Variants in RFX4 observed in about 807,000 individuals in gnomAD.
The protein encoded by RFX4 is regulatory factor X4.
RFX4 carries 10 observed loss-of-function variants against 95.0 expected under a neutral mutation model. That is an observed-to-expected ratio of 0.11 (90% confidence interval 0.06 to 0.18). The LOEUF (loss-of-function observed/expected upper bound fraction) is 0.18. Among genes scored for constraint, RFX4 ranks in the 10% least tolerant of loss-of-function variants. RFX4 has a pLI of 1.00. For synonymous variants in RFX4, 321 were observed against 340.7 expected (o/e 0.94, Z 0.64); for missense variants, 640 against 922.0 (o/e 0.69, Z 3.96).
At chr12:106,583,653 G>T (rs2039408801) in intron 1 of RFX4, 3 of 299,758 alleles carry the variant, frequency 1.0e-5, no homozygotes, top group Admixed American at 5.2e-5. Context: ...GTAAAGATGC[G>T]CTGGCTCGCG....
chr12:106,647,369 A>G (rs1430212533), intron 3 of RFX4, among the ~76,000 whole-genome samples: 2 of 152,130 alleles, frequency 1.3e-5, no homozygotes, highest in Non-Finnish European at 2.9e-5. Flanking sequence ...TTCTTCCTCT[A>G]TGTCCTAGGG....
chr12:106,759,114 C>T (rs549767990), intron 17 of RFX4, among the ~76,000 whole-genome samples: 2 of 152,186 alleles, frequency 1.3e-5, no homozygotes, highest in African/African-American at 2.4e-5. Flanking sequence ...GGTAAGGCCC[C>T]GGCCCGAGAG....
intron 4 of RFX4, among the ~76,000 whole-genome samples, chr12:106,669,367 C>G (rs539924699): frequency 6.6e-6 from 1 of 152,120 alleles, no homozygotes; most frequent in Admixed American, 6.5e-5. Context: ...TGCATTTTTT[C>G]AGTGAGGACA....
Position 106,689,187 on chromosome 12 carries a change from C to A in RFX4, c.592-100C>A, listed in dbSNP as rs953002283. Reference sequence around the variant, plus strand: ...GCCGGTGTTAGGTGAATTGCATCCCCCCCACAGGGAAGAAATGACTTAAAA... The same window carrying A: ...GCCGGTGTTAGGTGAATTGCATCCCACCCACAGGGAAGAAATGACTTAAAA... On this transcript the variant is annotated intron_variant, in intron 6 of 17. Coordinates refer to ENST00000392842, the MANE Select transcript of RFX4 (RefSeq NM_213594.3). The A allele has an allele frequency of 2.6e-5, 26 of 982,362 alleles. No homozygotes were observed. The African/African-American group carries it at 4.2e-4, about 16-fold the overall frequency. The allele number at this position is 982,362 out of a possible 1,614,324, so 60.9% of individuals were successfully genotyped here. A position where few individuals can be genotyped will look rare whatever the true frequency, so the allele number is the denominator to read the frequency against.
intron 3 of RFX4, among the ~76,000 whole-genome samples, chr12:106,640,019 G>A (rs953630489): frequency 2.0e-5 from 3 of 152,188 alleles, no homozygotes; most frequent in African/African-American, 4.8e-5. Flanking sequence ...TCCCCTAGCA[G>A]TGCAGCCGAG....
At chr12:106,739,713 A>G (rs963625029) in intron 15 of RFX4, among the ~76,000 whole-genome samples, 5 of 152,232 alleles carry the variant, frequency 3.3e-5, no homozygotes, top group Admixed American at 2.0e-4. Flanking sequence ...CAATGTCATG[A>G]TAAGAGGCTG....
intron 1 of RFX4, among the ~76,000 whole-genome samples, chr12:106,590,876 G>C (rs1387278911): frequency 6.6e-6 from 1 of 152,090 alleles, no homozygotes; most frequent in Non-Finnish European, 1.5e-5. Context: ...GAGCCCAGGT[G>C]TTCAAGGCTG....
rs371724142 is a variant in RFX4, at chr12:106,655,693, C to T, written c.315+1342C>T. 2.4e-4 allele frequency among the ~76,000 whole-genome samples: 37 copies of T among 152,268 alleles called. No individual in the cohort carries two copies. In the East Asian group the frequency reaches 6.8e-3, roughly 28 times the overall value. ...GGGACAGGTTGGGTGAACCAAAAGA[C>T]CAAGAATCCTGACTTTCCTGGACTT... On this transcript the variant is annotated intron_variant, in intron 4 of 17. Coordinates refer to ENST00000392842, the MANE Select transcript of RFX4 (RefSeq NM_213594.3).
intron 2 of RFX4, among the ~76,000 whole-genome samples, chr12:106,623,768 G>C (rs912034751): frequency 4.6e-5 from 7 of 152,210 alleles, no homozygotes; most frequent in South Asian, 2.1e-4. Context: ...CTGGGTGACA[G>C]AGTGAGACCC....
intron 2 of RFX4, among the ~76,000 whole-genome samples, chr12:106,632,868 T>G (rs988762078): frequency 1.3e-5 from 2 of 151,980 alleles, no homozygotes; most frequent in African/African-American, 4.8e-5. Context: ...CGCCACCGTA[T>G]CTGGCACTAC....
chr12:106,620,983 G>A (rs1024120254), intron 2 of RFX4, among the ~76,000 whole-genome samples: 8 of 152,018 alleles, frequency 5.3e-5, no homozygotes, highest in Non-Finnish European at 1.0e-4. Context: ...TGACCCCACA[G>A]GCAGTCAGAC....
rs1306768939 is a variant in RFX4, at chr12:106,720,398, T to C, written c.1233+344T>C. ...TTTTTCTGTATTTATTTATTTATTT[T>C]TGAGACAGGGTCTCACTTTGTTGCC... On this transcript the variant is annotated intron_variant, in intron 12 of 17. Coordinates refer to ENST00000392842, the MANE Select transcript of RFX4 (RefSeq NM_213594.3). This position sits in a 1 kb window ranked among gnomAD's most constrained non-coding sequence, Gnocchi z 4.2. Among the ~76,000 whole-genome samples, 2 of 152,244 alleles carry C rather than the reference T, an allele frequency of 1.3e-5. No individual in the cohort carries two copies. Among genetic ancestry groups the C allele is most frequent in the Non-Finnish European group, 2.9e-5 (2 of 68,044 alleles).
At chr12:106,705,789 A>G (rs541391203) in intron 8 of RFX4, among the ~76,000 whole-genome samples, 1 of 152,236 alleles carries the variant, frequency 6.6e-6, no homozygotes, top group East Asian at 1.9e-4. Flanking sequence ...CCCGTTGTCC[A>G]TCTGGGGATG....
At chr12:106,747,803 C>T (rs538881604) in intron 16 of RFX4, among the ~76,000 whole-genome samples, 8 of 151,960 alleles carry the variant, frequency 5.3e-5, no homozygotes, top group Admixed American at 3.9e-4. Flanking sequence ...TGGCTTACAC[C>T]GATAATCCCT....
At chr12:106,709,298 C>A in intron 8 of RFX4, 32 bp from the exon 9 acceptor site, 1 of 1,561,934 alleles carries the variant, frequency 6.4e-7, no homozygotes. Context: ...GCAACATGTG[C>A]AGCACTTAAA....
intron 17 of RFX4, among the ~76,000 whole-genome samples, chr12:106,757,220 C>T (rs1231830968): frequency 1.3e-5 from 2 of 152,144 alleles, no homozygotes; most frequent in Non-Finnish European, 2.9e-5. Context: ...CATGTAATAA[C>T]TTAACTAATC....
At chr12:106,607,634 A>T (rs763599020) in intron 1 of RFX4, among the ~76,000 whole-genome samples, 1 of 152,212 alleles carries the variant, frequency 6.6e-6, no homozygotes, top group African/African-American at 2.4e-5. Context: ...TAAATGGAGC[A>T]TAAAAAGACA....
chr12:106,727,204 C>T (rs1347703111), intron 13 of RFX4, among the ~76,000 whole-genome samples: 1 of 151,996 alleles, frequency 6.6e-6, no homozygotes, highest in African/African-American at 2.4e-5. Context: ...AATTAACATA[C>T]TATATTAATA....
intron 1 of RFX4, among the ~76,000 whole-genome samples, chr12:106,589,690 A>T (rs971734836): frequency 6.6e-6 from 1 of 152,170 alleles, no homozygotes; most frequent in African/African-American, 2.4e-5. Context: ...GGGTTTAGTT[A>T]TGACACTGGC....
Sources: gnomAD v4.1 joint callset for allele counts (sites outside exome capture counted in the v4.1 genomes callset) on GRCh38, gnomAD v4.1.1 for gene constraint, Gnocchi (gnomAD v3.1) non-coding constraint, MANE v1.5 for transcripts, NCBI Gene and HGNC (gene_info 2026-07-23, HGNC 2026-07-21) for gene names.